SAMMSON: variants seen among roughly 807,000 people sequenced by gnomAD.
The protein encoded by SAMMSON is survival associated mitochondrial melanoma specific oncogenic non-coding RNA.
intron 9 of SAMMSON, among the ~76,000 whole-genome samples, chr3:70,358,724 G>T (rs1474154095): frequency 1.3e-5 from 2 of 151,694 alleles, no homozygotes; most frequent in Non-Finnish European, 2.9e-5. Context: ...TTTGTTTATT[G>T]CATTGCTTTG....
intron 9 of SAMMSON, among the ~76,000 whole-genome samples, chr3:70,371,638 AATT>A (rs1183020455): frequency 6.6e-6 from 1 of 151,676 alleles, no homozygotes; most frequent in African/African-American, 2.4e-5. Flanking sequence ...TTTTTCAGCT[AATT>A]ATTGTTGTGT....
intron 6 of SAMMSON, among the ~76,000 whole-genome samples, chr3:70,254,080 AT>A (rs1278428855): frequency 3.9e-5 from 6 of 152,156 alleles, no homozygotes; most frequent in Non-Finnish European, 8.8e-5. Context: ...GCATATTTAT[AT>A]TTTTAATATT....
At chr3:70,356,148 T>G (rs1702827734) in intron 8 of SAMMSON, among the ~76,000 whole-genome samples, 1 of 152,172 alleles carries the variant, frequency 6.6e-6, no homozygotes, top group Non-Finnish European at 1.5e-5. Context: ...TTAATTTTTA[T>G]TCAGTTTCTG....
chr3:70,080,100 G>A (rs183844834), intron 4 of SAMMSON, among the ~76,000 whole-genome samples: 15 of 152,130 alleles, frequency 9.9e-5, no homozygotes, highest in Non-Finnish European at 1.6e-4. Context: ...TTCATTACAG[G>A]TTTGTTCTAA....
At chr3:70,207,809 G>T (rs1482041585) in intron 4 of SAMMSON, among the ~76,000 whole-genome samples, 1 of 151,972 alleles carries the variant, frequency 6.6e-6, no homozygotes, top group Admixed American at 6.6e-5. Flanking sequence ...TTATATTAGA[G>T]ACCTGAGCAT....
At chr3:70,204,304 C>A (rs957308035) in intron 4 of SAMMSON, among the ~76,000 whole-genome samples, 12 of 151,840 alleles carry the variant, frequency 7.9e-5, no homozygotes, top group African/African-American at 2.4e-4. Flanking sequence ...CGAACAATGA[C>A]CCCAGCTCTC....
intron 4 of SAMMSON, among the ~76,000 whole-genome samples, chr3:70,232,959 G>A (rs1701575097): frequency 6.6e-6 from 1 of 152,150 alleles, no homozygotes; most frequent in South Asian, 2.1e-4. Flanking sequence ...AAGGCCAAGG[G>A]AGGCAGATCG....
At chr3:70,125,196 T>C (rs1414542120) in intron 4 of SAMMSON, 2 of 1,514,536 alleles carry the variant, frequency 1.3e-6, no homozygotes, top group East Asian at 4.5e-5. Flanking sequence ...GCTTTTTCAT[T>C]AGGAAGTCCA....
At chr3:70,401,410 T>C (rs1174243855) in intron 2 of SAMMSON, among the ~76,000 whole-genome samples, 1 of 152,272 alleles carries the variant, frequency 6.6e-6, no homozygotes, top group South Asian at 2.1e-4. Context: ...ATAAGGCAAT[T>C]ACTAGCATTT....
chr3:70,313,482 GAA>G (rs753766688), intron 7 of SAMMSON, among the ~76,000 whole-genome samples: 3 of 128,608 alleles, frequency 2.3e-5, no homozygotes, highest in Non-Finnish European at 3.4e-5. Flanking sequence ...TGTCTGAAAG[GAA>G]AAAAAAAAAA....
chr3:70,233,104 G>A (rs962843376), intron 4 of SAMMSON, among the ~76,000 whole-genome samples: 1 of 152,118 alleles, frequency 6.6e-6, no homozygotes, highest in Non-Finnish European at 1.5e-5. Context: ...CACAAGAATC[G>A]CTTAAACCTG....
At chr3:70,380,931 T>C (rs1703061245) in intron 9 of SAMMSON, among the ~76,000 whole-genome samples, 1 of 152,202 alleles carries the variant, frequency 6.6e-6, no homozygotes, top group African/African-American at 2.4e-5. Flanking sequence ...ATTTTCTTAA[T>C]CCAGTCTATC....
At chr3:70,053,827 G>T (rs1449407635) in intron 3 of SAMMSON, among the ~76,000 whole-genome samples, 1 of 151,978 alleles carries the variant, frequency 6.6e-6, no homozygotes, top group African/African-American at 2.4e-5. Context: ...CCCACATGTT[G>T]GGAATTTAAT....
chr3:70,134,996 A>C (rs1370606283), intron 4 of SAMMSON, among the ~76,000 whole-genome samples: 1 of 152,222 alleles, frequency 6.6e-6, no homozygotes, highest in Non-Finnish European at 1.5e-5. Context: ...AATATGAATT[A>C]GAATTGAATT....
intron 3 of SAMMSON, chr3:70,014,904 T>C (rs755918363): frequency 6.6e-6 from 1 of 152,190 alleles, no homozygotes; most frequent in Non-Finnish European, 1.5e-5. Flanking sequence ...CGTGGGATTT[T>C]AAAATTCCTC....
chr3:70,277,173 G>A lies in SAMMSON; in HGVS notation n.675-14006G>A, dbSNP rs566841460. ...CAAACTTTCCTGATAGGCTCCTAAG[G>A]ATTGAGAAGGCTGGAACAATGAACA... On this transcript the variant is annotated intron_variant and non_coding_transcript_variant, in intron 6 of 9. Coordinates refer to ENST00000642114, the Ensembl canonical transcript of SAMMSON. Among the ~76,000 whole-genome samples the A allele has an allele frequency of 2.0e-5, 3 of 152,302 alleles. 1 individual carries two copies. The highest frequency in any genetic ancestry group is 6.5e-5 in the Admixed American group (1 of 15,290).
downstream of SAMMSON, among the ~76,000 whole-genome samples, chr3:70,392,476 T>C (rs1035399158): frequency 2.0e-4 from 31 of 152,140 alleles, no homozygotes; most frequent in African/African-American, 7.5e-4. Context: ...ACCTCAGGAC[T>C]TTGCAGCCTC....
At chr3:70,219,110 T>C (rs1701439834) in intron 4 of SAMMSON, among the ~76,000 whole-genome samples, 1 of 152,220 alleles carries the variant, frequency 6.6e-6, no homozygotes, top group African/African-American at 2.4e-5. Flanking sequence ...CTTTCAAGTT[T>C]AAGGTATTGT....
intron 7 of SAMMSON, among the ~76,000 whole-genome samples, chr3:70,299,707 C>T (rs1357837644): frequency 6.6e-6 from 1 of 152,128 alleles, no homozygotes; most frequent in African/African-American, 2.4e-5. Context: ...TGGTTTCAGT[C>T]TCTACCCTTC....
Sources: allele counts gnomAD v4.1 joint callset (sites outside exome capture counted in the v4.1 genomes callset), GRCh38; gene constraint gnomAD v4.1.1; transcripts MANE v1.5; gene names NCBI Gene and HGNC (gene_info 2026-07-23, HGNC 2026-07-21).